KCNQ1: variants seen among roughly 807,000 people sequenced by gnomAD.
KCNQ1 encodes the protein potassium voltage-gated channel subfamily Q member 1, also known as potassium voltage-gated channel subfamily KQT member 1.
Under a neutral mutation model 72.4 loss-of-function variants are expected in KCNQ1, and 49 were observed. The ratio of observed to expected loss-of-function variants is 0.68; its 90% confidence interval spans 0.54 to 0.86. KCNQ1 has a LOEUF of 0.86. KCNQ1 is among the 40% of genes least tolerant of loss of function. The probability of loss-of-function intolerance (pLI) is 0.00; values close to 1 mark genes in which losing one functional copy is unlikely to be tolerated. For missense variants in KCNQ1, 790 were observed against 945.1 expected (o/e 0.84, Z 2.15); for synonymous variants, 450 against 412.6 (o/e 1.09, Z -1.10).
intron 11 of KCNQ1, among the ~76,000 whole-genome samples, chr11:2,707,841 A>G (rs921253033): frequency 6.6e-6 from 1 of 152,200 alleles, no homozygotes; most frequent in Non-Finnish European, 1.5e-5. Flanking sequence ...CCTTGGTGTG[A>G]GGGACACAGC....
At chr11:2,535,668 C>T (rs1307147826) in intron 2 of KCNQ1, among the ~76,000 whole-genome samples, 1 of 152,210 alleles carries the variant, frequency 6.6e-6, no homozygotes, top group Non-Finnish European at 1.5e-5. Context: ...CGTAGAGCTT[C>T]CTGAAAGCAT....
rs143394290 is a variant in KCNQ1 at position 2,465,362 on chromosome 11, C to G, written c.386+19878C>G. Among the ~76,000 whole-genome samples, 446 of 152,308 alleles carry G rather than the reference C, an allele frequency of 2.9e-3. 3 individuals carry two copies. Among genetic ancestry groups the G allele is most frequent in the African/African-American group, 0.01 (434 of 41,572 alleles). On this transcript the variant is annotated intron_variant, in intron 1 of 15. Coordinates refer to ENST00000155840, the MANE Select transcript of KCNQ1 (RefSeq NM_000218.3). ...CAGCTGGAAGCTCTTGGGCAGTGCA[C>G]TGTCCCCACAGCGGACTGCCTCCTG... is the stretch of plus-strand genomic sequence containing the variant.
Position 2,816,317 on chromosome 11 carries a change from C to T in KCNQ1, c.1795-31450C>T, listed in dbSNP as rs748044840. Among the ~76,000 whole-genome samples the T allele has an allele frequency of 2.2e-4, 34 of 152,132 alleles. No homozygotes were observed. Among genetic ancestry groups the T allele is most frequent in the African/African-American group, 7.0e-4 (29 of 41,424 alleles). On this transcript the variant is annotated intron_variant, in intron 15 of 15. Transcript: ENST00000155840. The surrounding 1 kb of genome is among the most constrained non-coding windows in gnomAD (Gnocchi z 6.8). ...GTGGAGTCAAGCTCAGTGCTGGTGA[C>T]GATGTTGGGGAGAGGGGCCTCCAGC... is the stretch of plus-strand genomic sequence containing the variant.
rs1301346842 is a variant in KCNQ1, at chr11:2,621,563, C to A, written c.1393+32709C>A. Reference sequence around the variant, plus strand: ...GCTCTTTAGTTTACCACTGTGATCTCTTTGCTATTGGTCTGTTCAGGCTTT... The same window carrying A: ...GCTCTTTAGTTTACCACTGTGATCTATTTGCTATTGGTCTGTTCAGGCTTT... On this transcript the variant is annotated intron_variant, in intron 10 of 15. Transcript: ENST00000155840. This position sits in a 1 kb window ranked among gnomAD's most constrained non-coding sequence, Gnocchi z 5.7. 1 of 398,266 alleles carries A rather than the reference C, an allele frequency of 2.5e-6. No homozygotes were observed. Among genetic ancestry groups the A allele is most frequent in the Non-Finnish European group, 4.4e-6 (1 of 226,006 alleles). 24.7% of individuals were successfully genotyped at this position (398,266 alleles called of 1,614,324 possible).
At chr11:2,821,720 A>G (rs1042858668) in intron 15 of KCNQ1, among the ~76,000 whole-genome samples, 1 of 151,994 alleles carries the variant, frequency 6.6e-6, no homozygotes, top group Non-Finnish European at 1.5e-5. Flanking sequence ...TGTGCCCATG[A>G]CATCTCCCCA....
Position 2,492,698 on chromosome 11 carries a change from G to A in KCNQ1, c.387-35230G>A, listed in dbSNP as rs1846855847. ...GACATGAACTCATTCTTTTTTTATG[G>A]CTGCATATTATTCCATGGTGTATAT... On this transcript the variant is annotated intron_variant, in intron 1 of 15. Transcript: ENST00000155840. This position sits in a 1 kb window ranked among gnomAD's most constrained non-coding sequence, Gnocchi z 4.1. 6.6e-6 allele frequency among the ~76,000 whole-genome samples: 1 copy of A among 152,080 alleles called. No individual in the cohort carries two copies. Among genetic ancestry groups the A allele is most frequent in the Non-Finnish European group, 1.5e-5 (1 of 68,022 alleles).
At chr11:2,779,104 G>C (rs1375248575) in intron 15 of KCNQ1, among the ~76,000 whole-genome samples, 2 of 152,242 alleles carry the variant, frequency 1.3e-5, no homozygotes, top group Non-Finnish European at 2.9e-5. Context: ...CCATGGGCCT[G>C]GCCACCCTCT....
rs764771471 is a variant in KCNQ1, at chr11:2,464,104, C to T, written c.386+18620C>T. ...TGCAGGACCCACGGGACAATTAGAA[C>T]GACTGGGCCTGACTGGCACAGGGAT... On this transcript the variant is annotated intron_variant, in intron 1 of 15. Coordinates refer to ENST00000155840, the MANE Select transcript of KCNQ1 (RefSeq NM_000218.3). This position sits in a 1 kb window ranked among gnomAD's most constrained non-coding sequence, Gnocchi z 5.0. 2.0e-5 allele frequency among the ~76,000 whole-genome samples: 3 copies of T among 152,154 alleles called. No individual in the cohort carries two copies. Among genetic ancestry groups the T allele is most frequent in the Admixed American group, 6.5e-5 (1 of 15,286 alleles).
chr11:2,501,285 C>G (rs1334233207), intron 1 of KCNQ1, among the ~76,000 whole-genome samples: 1 of 150,308 alleles, frequency 6.7e-6, no homozygotes, highest in Non-Finnish European at 1.5e-5. Flanking sequence ...AACCTTTAGC[C>G]AGACTAAGAA....
intron 1 of KCNQ1, among the ~76,000 whole-genome samples, chr11:2,449,227 C>T (rs1379464656): frequency 6.6e-6 from 1 of 152,234 alleles, no homozygotes; most frequent in African/African-American, 2.4e-5. Flanking sequence ...GAACATTCAC[C>T]CGTGCCTGGC....
intron 15 of KCNQ1, among the ~76,000 whole-genome samples, chr11:2,831,612 G>A (rs1403183530): frequency 2.7e-5 from 4 of 150,802 alleles, no homozygotes; most frequent in Non-Finnish European, 4.4e-5. Flanking sequence ...TGTCCCCTCC[G>A]CTCCTCTCTC....
intron 1 of KCNQ1, among the ~76,000 whole-genome samples, chr11:2,448,265 C>T: frequency 6.6e-6 from 1 of 152,210 alleles, no homozygotes; most frequent in East Asian, 1.9e-4. Flanking sequence ...TGCATGGAGA[C>T]TGCCCCTGTA....
At chr11:2,453,033 G>A (rs2133570131) in intron 1 of KCNQ1, among the ~76,000 whole-genome samples, 1 of 152,368 alleles carries the variant, frequency 6.6e-6, no homozygotes, top group East Asian at 1.9e-4. Context: ...TCTATGACTT[G>A]AATGCTAGAT....
chr11:2,586,067 C>T (rs1156284907), intron 8 of KCNQ1, among the ~76,000 whole-genome samples: 11 of 152,194 alleles, frequency 7.2e-5, no homozygotes, highest in Non-Finnish European at 1.6e-4. Context: ...GAGGAACAGC[C>T]GCTGAGGTGC....
Position 2,626,041 on chromosome 11 carries a change from A to T in KCNQ1, c.1394-35920A>T, listed in dbSNP as rs1371308444. ...TTTAATGCACACAATGTAAATTTTT[A>T]AAATTTATCTAGTTTTACTTTTATT... On this transcript the variant is annotated intron_variant, in intron 10 of 15. Coordinates refer to ENST00000155840, the MANE Select transcript of KCNQ1 (RefSeq NM_000218.3). This position sits in a 1 kb window ranked among gnomAD's most constrained non-coding sequence, Gnocchi z 4.0. 1 of 398,516 alleles carries T rather than the reference A, an allele frequency of 2.5e-6. No homozygotes were observed. Among genetic ancestry groups the T allele is most frequent in the African/African-American group, 2.1e-5 (1 of 48,638 alleles). 24.7% of individuals were successfully genotyped at this position (398,516 alleles called of 1,614,324 possible). A position where few individuals can be genotyped will look rare whatever the true frequency, so the allele number is the denominator to read the frequency against.
intron 15 of KCNQ1, among the ~76,000 whole-genome samples, chr11:2,829,664 T>C (rs1359194730): frequency 1.3e-5 from 2 of 151,700 alleles, no homozygotes; most frequent in East Asian, 3.9e-4. Flanking sequence ...TTCTCTTCCA[T>C]GTTAGGCAGT....
In KCNQ1 at chr11:2,778,023, C is replaced by T. The variant is rs794728537; in HGVS notation, c.1780C>T (p.Arg594Ter). The change falls in exon 15 of 16, where the codon CGA becomes TGA. Residue 594 changes from arginine (R) to a stop codon, truncating the protein, a stop_gained. Coordinates refer to ENST00000155840, the MANE Select transcript of KCNQ1 (RefSeq NM_000218.3). LOFTEE classifies it low-confidence loss of function (END_TRUNC). ...GSNTIGARLN[R>*]VEDKVTQLDQ... is the part of the protein sequence containing the mutation. ...CAACACGATCGGCGCCCGCCTGAAC[C>T]GAGTAGAAGACAAGGTAGGCTCACG... is the stretch of plus-strand genomic sequence containing the variant. The T allele has an allele frequency of 1.2e-6, 2 of 1,613,736 alleles. No individual in the cohort carries two copies. Among genetic ancestry groups the T allele is most frequent in the Non-Finnish European group, 1.7e-6 (2 of 1,180,010 alleles).
In KCNQ1 at chr11:2,541,293, G is replaced by A. The variant is rs927113552; in HGVS notation, c.477+13275G>A. Among the ~76,000 whole-genome samples, 1 of 152,264 alleles carries A rather than the reference G, an allele frequency of 6.6e-6. No homozygotes were observed. The highest frequency in any genetic ancestry group is 2.4e-5 in the African/African-American group (1 of 41,474). Reference sequence around the variant, plus strand: ...GGGTGATGATCTGGTCAGTTTCCGAGCACCATGTGCTGAGAATGATGCGTG... The same window carrying A: ...GGGTGATGATCTGGTCAGTTTCCGAACACCATGTGCTGAGAATGATGCGTG... On this transcript the variant is annotated intron_variant, in intron 2 of 15. Coordinates refer to ENST00000155840, the MANE Select transcript of KCNQ1 (RefSeq NM_000218.3). This position sits in a 1 kb window ranked among gnomAD's most constrained non-coding sequence, Gnocchi z 4.8.
In KCNQ1 at chr11:2,829,925, A is replaced by C. The variant is rs189164052; in HGVS notation, c.1795-17842A>C. On this transcript the variant is annotated intron_variant, in intron 15 of 15. Transcript: ENST00000155840. ...GTGCCAGAGAATAGGGAATTCTGCC[A>C]ATACCCTGGTGGGGAGGGGGAGGGG... is the stretch of plus-strand genomic sequence containing the variant. Among the ~76,000 whole-genome samples, 559 of 130,916 alleles carry C rather than the reference A, an allele frequency of 4.3e-3. 1 individual carries two copies. The highest frequency in any genetic ancestry group is 0.015 in the Middle Eastern group (4 of 272). The allele number at this position is 130,916 out of a possible 152,430, so 85.9% of individuals were successfully genotyped here. A position where few individuals can be genotyped will look rare whatever the true frequency, so the allele number is the denominator to read the frequency against.
Sources: allele counts gnomAD v4.1 joint callset (sites outside exome capture counted in the v4.1 genomes callset), GRCh38; gene constraint gnomAD v4.1.1; non-coding constraint Gnocchi (gnomAD v3.1); transcripts MANE v1.5; gene names NCBI Gene and HGNC (gene_info 2026-07-23, HGNC 2026-07-21).